The following COPG2 variants were observed in gnomAD, a reference collection of about 807,000 sequenced individuals.
The protein encoded by COPG2 is coatomer subunit gamma-2.
A neutral mutation model predicts 46.3 loss-of-function variants in COPG2; 37 were observed. The observed-to-expected ratio is 0.80, with a 90% confidence interval of 0.61 to 1.05. The LOEUF is 1.05. Ranked by LOEUF, COPG2 falls within the 50% of genes least tolerant of loss-of-function variation. The pLI, the probability that COPG2 is intolerant of heterozygous loss-of-function variation, is 0.00. For missense variants in COPG2, 427 were observed against 387.8 expected, an observed-to-expected ratio of 1.10 and a Z score of -0.85; for synonymous variants, 159 against 129.7, an observed-to-expected ratio of 1.23 and a Z score of -1.53.
chr7:130,532,766 A>T (rs1483516833), intron 20 of COPG2, among the ~76,000 whole-genome samples: 1 of 152,122 alleles, frequency 6.6e-6, no homozygotes, highest in African/African-American at 2.4e-5. Flanking sequence ...TGGCCACTGG[A>T]TCGTGAGCAT....
rs1794837766 is a variant in COPG2 at position 130,611,022 on chromosome 7, A to G, written c.668T>C (p.Leu223Pro). Residue 223 changes from leucine (L) to proline (P), a missense_variant, in exon 9 of 24, where the codon CTC (leucine) becomes CCC (proline). Coordinates refer to ENST00000425248, the MANE Select transcript of COPG2 (RefSeq NM_012133.6). ...CATGCAGTAAGCAAACTGTGACTTG[A>G]GACCAGATTTAGTAAACTTATTCAA... ...KMLNKFTKSG[L>P]KSQFAYCMLI... The G allele has an allele frequency of 1.2e-6, 2 of 1,613,826 alleles. No homozygotes were observed. The highest frequency in any genetic ancestry group is 2.7e-5 in the African/African-American group (2 of 74,920).
intron 20 of COPG2, among the ~76,000 whole-genome samples, chr7:130,539,684 T>C (rs1799917298): frequency 1.3e-5 from 2 of 151,876 alleles, no homozygotes; most frequent in African/African-American, 4.8e-5. Context: ...AATGTGGAAG[T>C]GGGACGATGA....
intron 20 of COPG2, among the ~76,000 whole-genome samples, chr7:130,529,689 T>A (rs893475115): frequency 6.6e-6 from 1 of 152,104 alleles, no homozygotes; most frequent in Non-Finnish European, 1.5e-5. Flanking sequence ...AGGAAGCTGG[T>A]CAGCACTGCA....
At chr7:130,596,555 C>G (rs1446968864) in intron 9 of COPG2, among the ~76,000 whole-genome samples, 1 of 152,192 alleles carries the variant, frequency 6.6e-6, no homozygotes, top group African/African-American at 2.4e-5. Context: ...CCATGGACGC[C>G]TGGGCAACAC....
intron 20 of COPG2, among the ~76,000 whole-genome samples, chr7:130,536,757 C>T (rs2116365817): frequency 6.6e-6 from 1 of 152,312 alleles, no homozygotes; most frequent in South Asian, 2.1e-4. Flanking sequence ...GCCGAAAAGG[C>T]ACCGGGACCA....
chr7:130,624,373 T>C (rs1795084152), intron 5 of COPG2, among the ~76,000 whole-genome samples: 1 of 152,232 alleles, frequency 6.6e-6, no homozygotes, highest in African/African-American at 2.4e-5. Flanking sequence ...TTCTATCTAC[T>C]ATTATGTCCT....
intron 9 of COPG2, among the ~76,000 whole-genome samples, chr7:130,572,430 C>T (rs1793922800): frequency 6.6e-6 from 1 of 152,054 alleles, no homozygotes; most frequent in Non-Finnish European, 1.5e-5. Flanking sequence ...TTTCTCAGTG[C>T]TAATCATTTC....
intron 9 of COPG2, among the ~76,000 whole-genome samples, chr7:130,597,290 T>G (rs1554449821): frequency 6.6e-6 from 1 of 152,076 alleles, no homozygotes; most frequent in Non-Finnish European, 1.5e-5. Context: ...CCAGTGGGGG[T>G]GCTGGGACTA....
chr7:130,642,245 CTTT>C, intron 5 of COPG2, among the ~76,000 whole-genome samples: 1 of 149,320 alleles, frequency 6.7e-6, no homozygotes, highest in African/African-American at 2.4e-5. Flanking sequence ...AACTACATCT[CTTT>C]TTTTTTTCAC....
intron 5 of COPG2, among the ~76,000 whole-genome samples, chr7:130,624,606 T>G (rs1795087877): frequency 6.6e-6 from 1 of 152,184 alleles, no homozygotes; most frequent in Non-Finnish European, 1.5e-5. Flanking sequence ...AAGTCCATTA[T>G]GTCATTCTTT....
intron 20 of COPG2, among the ~76,000 whole-genome samples, chr7:130,524,308 C>A (rs1002363338): frequency 0.059 from 8,934 of 151,968 alleles, 338 homozygotes; most frequent in African/African-American, 0.1. Context: ...GAGTTCACGA[C>A]TTAGGCCAGT....
intron 20 of COPG2, among the ~76,000 whole-genome samples, chr7:130,521,675 T>C (rs1262174420): frequency 2.0e-5 from 3 of 152,176 alleles, no homozygotes; most frequent in Non-Finnish European, 4.4e-5. Flanking sequence ...AAACAAGTGA[T>C]GGACACTAAA....
chr7:130,610,750 T>G (rs536423203), intron 9 of COPG2: 1 of 661,750 alleles, frequency 1.5e-6, no homozygotes, highest in South Asian at 1.7e-5. Flanking sequence ...GTGCTATTAA[T>G]AATTAAGTAC....
At chr7:130,529,568 C>A (rs905419945) in intron 20 of COPG2, among the ~76,000 whole-genome samples, 7 of 152,096 alleles carry the variant, frequency 4.6e-5, no homozygotes, top group Non-Finnish European at 8.8e-5. Flanking sequence ...TCTCAGGATA[C>A]GTTGGTGGTA....
At chr7:130,608,511 G>A (rs371888896) in intron 9 of COPG2, among the ~76,000 whole-genome samples, 11 of 152,016 alleles carry the variant, frequency 7.2e-5, no homozygotes, top group African/African-American at 2.2e-4. Context: ...AAATCCTTTC[G>A]GGTTTTTGTT....
intron 9 of COPG2, among the ~76,000 whole-genome samples, chr7:130,571,882 C>T (rs1793910120): frequency 2.6e-5 from 4 of 151,814 alleles, no homozygotes; most frequent in Admixed American, 2.6e-4. Flanking sequence ...CGCACACACA[C>T]ATATATACAC....
intron 20 of COPG2, among the ~76,000 whole-genome samples, chr7:130,542,033 G>A (rs1793338184): frequency 1.6e-5 from 2 of 125,434 alleles, no homozygotes; most frequent in East Asian, 4.0e-4. Flanking sequence ...GGACAGAGGA[G>A]AGGTGTTCCC....
At chr7:130,572,131 T>C (rs1395659867) in intron 9 of COPG2, among the ~76,000 whole-genome samples, 1 of 152,068 alleles carries the variant, frequency 6.6e-6, no homozygotes, top group African/African-American at 2.4e-5. Flanking sequence ...AGACTACACA[T>C]TGGGTATAGT....
At chr7:130,665,836 A>C (rs1393223534) in intron 3 of COPG2, among the ~76,000 whole-genome samples, 3 of 139,876 alleles carry the variant, frequency 2.1e-5, no homozygotes, top group South Asian at 2.2e-4. Context: ...AGTCTGGGGC[A>C]AAAAAAAAAA....
Sources: gnomAD v4.1 joint callset for allele counts (sites outside exome capture counted in the v4.1 genomes callset) on GRCh38, gnomAD v4.1.1 for gene constraint, MANE v1.5 for transcripts, NCBI Gene and HGNC (gene_info 2026-07-23, HGNC 2026-07-21) for gene names.